The following FUCA2 variants were observed in gnomAD, a reference collection of about 807,000 sequenced individuals.
The protein encoded by FUCA2 is plasma alpha-L-fucosidase.
Under a neutral mutation model 52.6 loss-of-function variants are expected in FUCA2, and 41 were observed. The ratio of observed to expected loss-of-function variants is 0.78; its 90% CI spans 0.61 to 1.01. The LOEUF is 1.01. Among genes scored for constraint, FUCA2 ranks in the 50% least tolerant of loss-of-function variants. The pLI is 0.00. For missense variants in FUCA2, 507 were observed against 569.5 expected (o/e 0.89, Z 1.12); for synonymous variants, 211 against 217.3 (o/e 0.97, Z 0.26).
rs1562662529 is a variant in FUCA2 at position 143,495,778 on chromosome 6, G to A, written c.1333C>T (p.Leu445=). 6.2e-7 allele frequency: 1 copy of A among 1,613,964 alleles called. No individual in the cohort carries two copies. Among genetic ancestry groups the A allele is most frequent in the Non-Finnish European group, 8.5e-7 (1 of 1,179,842 alleles). ...ATCTGATGAATGGTTAGCTGTGGCA[G>A]TTCTACCATAATGCCATTTTGCTCC... ...SLEQNGIMVE[L]PQLTIHQMPC... The change falls in exon 7 of 7, where the codon CTG becomes TTG. Residue 445 remains leucine (L), a synonymous_variant. Coordinates refer to ENST00000002165, the MANE Select transcript of FUCA2 (RefSeq NM_032020.5). The surrounding 1 kb of genome is among the most constrained non-coding windows in gnomAD (Gnocchi z 5.2).
At chr6:143,506,222 A>C (rs1584029390) in intron 2 of FUCA2, 1 of 125,698 alleles carries the variant, frequency 8.0e-6, no homozygotes, top group African/African-American at 3.2e-5. Context: ...TTGAGACAGG[A>C]TCTCCCTCCG....
In FUCA2 at chr6:143,498,063, TTTAGA is replaced by T. The variant is rs1188067280; in HGVS notation, c.1155-571_1155-567del. On this transcript the variant is annotated intron_variant, in intron 5 of 6. Coordinates refer to ENST00000002165, the MANE Select transcript of FUCA2 (RefSeq NM_032020.5). ...TGAGAGATTATAACAAAAGGATCTCTTTAGATTAGAACATCAGAAAGAAGCCTCTC... is the reference window on the plus strand; with the variant it reads ...TGAGAGATTATAACAAAAGGATCTCTTTAGAACATCAGAAAGAAGCCTCTC... 5.3e-5 allele frequency among the ~76,000 whole-genome samples: 8 copies of T among 152,278 alleles called. No individual in the cohort carries two copies. In the South Asian group the frequency reaches 1.7e-3, roughly 32 times the overall value.
Position 143,511,578 on chromosome 6 carries a change from C to T in FUCA2, c.57G>A (p.Leu19=). 6.4e-7 allele frequency: 1 copy of T among 1,556,762 alleles called. No individual in the cohort carries two copies. Among genetic ancestry groups the T allele is most frequent in the Non-Finnish European group, 8.7e-7 (1 of 1,150,924 alleles). ...LAFPLLLLLL[L]LLPPPPCPAH... ...CAGGGCACGGCGGCGGCGGCAGCAG[C>T]AGCAACAGCAACAGCAGCAACGGGA... Residue 19 remains leucine (L), a synonymous_variant, in exon 1 of 7, where the codon CTG becomes CTA. Transcript: ENST00000002165. The surrounding 1 kb of genome is among the most constrained non-coding windows in gnomAD (Gnocchi z 6.3).
chr6:143,500,313 G>A lies in FUCA2; in HGVS notation c.1154+1619C>T, dbSNP rs1780513427. ...ATTATAGATCCCTTTGGAAGCCGAAGTGCCATGCAGAGTGAGCCAAAATAT... is the reference window on the plus strand; with the variant it reads ...ATTATAGATCCCTTTGGAAGCCGAAATGCCATGCAGAGTGAGCCAAAATAT... On this transcript the variant is annotated intron_variant, in intron 5 of 6. Transcript: ENST00000002165. The surrounding 1 kb of genome is among the most constrained non-coding windows in gnomAD (Gnocchi z 6.9). Among the ~76,000 whole-genome samples the A allele has an allele frequency of 6.6e-6, 1 of 152,182 alleles. No individual in the cohort carries two copies. Among genetic ancestry groups the A allele is most frequent in the Non-Finnish European group, 1.5e-5 (1 of 68,044 alleles).
In FUCA2 at chr6:143,497,724, T is replaced by C. The variant is rs890619916; in HGVS notation, c.1155-227A>G. On this transcript the variant is annotated intron_variant, in intron 5 of 6. Coordinates refer to ENST00000002165, the MANE Select transcript of FUCA2 (RefSeq NM_032020.5). The surrounding 1 kb of genome is among the most constrained non-coding windows in gnomAD (Gnocchi z 5.3). The stretch of plus-strand genomic sequence containing the variant: ...AAAGATTTTCCTGAGCTAGCATTCC[T>C]CTTCATCAGACTGCTCTCATGGAGC... 6.6e-6 allele frequency among the ~76,000 whole-genome samples: 1 copy of C among 152,194 alleles called. No individual in the cohort carries two copies. Among genetic ancestry groups the C allele is most frequent in the African/African-American group, 2.4e-5 (1 of 41,446 alleles).
At chr6:143,506,090 C>A (rs1780602486) in intron 2 of FUCA2, 1 of 151,900 alleles carries the variant, frequency 6.6e-6, no homozygotes, top group South Asian at 2.1e-4. Context: ...CAGAATGTGG[C>A]CAAAGGGAAA....
rs573439726 is a variant in FUCA2, at chr6:143,506,382, C to G, written c.412+855G>C. On this transcript the variant is annotated intron_variant, in intron 2 of 6. Transcript: ENST00000002165. ...GTTTGTTTGTTTGTTTTTGTAGAGA[C>G]AGGGTCTCACTATGTTGCCCAGGCT... 4 of 152,064 alleles carry G rather than the reference C, an allele frequency of 2.6e-5. No individual in the cohort carries two copies. The South Asian group carries it at 8.3e-4, about 32-fold the overall frequency. 9.4% of individuals were successfully genotyped at this position (152,064 alleles called of 1,614,324 possible).
intron 2 of FUCA2, chr6:143,505,787 C>T (rs1258466559): frequency 6.6e-6 from 1 of 152,120 alleles, no homozygotes; most frequent in African/African-American, 2.4e-5. Flanking sequence ...TGAATATCAC[C>T]ACCATAAGCT....
In FUCA2 at chr6:143,502,455, G is replaced by C. The variant is rs1780542308; in HGVS notation, c.863C>G (p.Pro288Arg). Residue 288 changes from proline to arginine, a missense_variant, in exon 4 of 7, where the codon CCA becomes CGA. Transcript: ENST00000002165. The surrounding 1 kb of genome is among the most constrained non-coding windows in gnomAD (Gnocchi z 4.1). ...TGTCATGCAGTTTTCCCATTTATGT[G>C]GCAAAAGATGTCCTGGGTTATAACG... The part of the protein sequence containing the change: ...SDRYNPGHLL[P>R]HKWENCMTID... 1.9e-6 allele frequency: 3 copies of C among 1,614,052 alleles called. No homozygotes were observed. The East Asian group carries it at 6.7e-5, about 36-fold the overall frequency.
rs1780474698 is a variant in FUCA2 at position 143,497,513 on chromosome 6, A to G, written c.1155-16T>C. ...GGATGTGTACCTGGTTAAAAGAAAA[A>G]AATAAAGAGCATAGTAGCAAGTTAC... On this transcript the variant is annotated splice_polypyrimidine_tract_variant and intron_variant, in intron 5 of 6. Transcript: ENST00000002165. The surrounding 1 kb of genome is among the most constrained non-coding windows in gnomAD (Gnocchi z 5.3). The G allele has an allele frequency of 7.1e-7, 1 of 1,418,114 alleles. No homozygotes were observed. The highest frequency in any genetic ancestry group is 1.7e-5 in the Admixed American group (1 of 58,892). The allele number at this position is 1,418,114 out of a possible 1,614,324, so 87.8% of individuals were successfully genotyped here.
chr6:143,511,399 G>A lies in FUCA2; in HGVS notation c.224+12C>T. On this transcript the variant is annotated intron_variant, in intron 1 of 6. Coordinates refer to ENST00000002165, the MANE Select transcript of FUCA2 (RefSeq NM_032020.5). The surrounding 1 kb of genome is among the most constrained non-coding windows in gnomAD (Gnocchi z 6.3). The stretch of plus-strand genomic sequence containing the variant: ...AAAGCGCGGCAGACGAGACAAAAGG[G>A]AGCGCACTCACCAGAACCACTCGCT... 1 of 1,595,034 alleles carries A rather than the reference G, an allele frequency of 6.3e-7. No homozygotes were observed.
At position 143,509,573 on chromosome 6, in the gene FUCA2, T is replaced by C. The variant is rs1013136592; in HGVS notation, c.224+1838A>G. The stretch of plus-strand genomic sequence containing the variant: ...CCAATATATCTTTACCTAATCTTCA[T>C]GGTTGAACAAAATGATAATATAAGA... On this transcript the variant is annotated intron_variant, in intron 1 of 6. Transcript: ENST00000002165. This position sits in a 1 kb window ranked among gnomAD's most constrained non-coding sequence, Gnocchi z 5.4. Among the ~76,000 whole-genome samples, 5 of 152,232 alleles carry C rather than the reference T, an allele frequency of 3.3e-5. 1 individual carries two copies. Among genetic ancestry groups the C allele is most frequent in the Admixed American group, 2.6e-4 (4 of 15,286 alleles).
intron 5 of FUCA2, among the ~76,000 whole-genome samples, chr6:143,498,522 C>A (rs1040691044): frequency 6.6e-6 from 1 of 152,080 alleles, no homozygotes; most frequent in Non-Finnish European, 1.5e-5. Flanking sequence ...CTGGGGAAAA[C>A]CTTCCAGACA....
chr6:143,499,200 A>G lies in FUCA2; in HGVS notation c.1155-1703T>C, dbSNP rs1219426799. 6.6e-6 allele frequency among the ~76,000 whole-genome samples: 1 copy of G among 152,218 alleles called. No homozygotes were observed. The highest frequency in any genetic ancestry group is 1.5e-5 in the Non-Finnish European group (1 of 68,040). ...GAGTTCGGAAAGAGGTCTGCACTGG[A>G]AATAGAAATGTGGAGATCATCAATA... On this transcript the variant is annotated intron_variant, in intron 5 of 6. Coordinates refer to ENST00000002165, the MANE Select transcript of FUCA2 (RefSeq NM_032020.5). The surrounding 1 kb of genome is among the most constrained non-coding windows in gnomAD (Gnocchi z 6.0).
In FUCA2 at chr6:143,510,316, T is replaced by A. The variant is rs1330960593; in HGVS notation, c.224+1095A>T. Among the ~76,000 whole-genome samples, 1 of 152,224 alleles carries A rather than the reference T, an allele frequency of 6.6e-6. No individual in the cohort carries two copies. Among genetic ancestry groups the A allele is most frequent in the Non-Finnish European group, 1.5e-5 (1 of 68,034 alleles). ...TGTATACTATTTATGTAGTATATAG[T>A]TGATTCAAATAAATACTGTTTAATG... On this transcript the variant is annotated intron_variant, in intron 1 of 6. Coordinates refer to ENST00000002165, the MANE Select transcript of FUCA2 (RefSeq NM_032020.5). This position sits in a 1 kb window ranked among gnomAD's most constrained non-coding sequence, Gnocchi z 4.4.
Position 143,504,493 on chromosome 6 carries a change from C to T in FUCA2, c.413-241G>A. 1 of 457,994 alleles carries T rather than the reference C, an allele frequency of 2.2e-6. No individual in the cohort carries two copies. The highest frequency in any genetic ancestry group is 3.1e-5 in the South Asian group (1 of 32,670). The allele number at this position is 457,994 out of a possible 1,614,324, so 28.4% of individuals were successfully genotyped here. On this transcript the variant is annotated intron_variant, in intron 2 of 6. Coordinates refer to ENST00000002165, the MANE Select transcript of FUCA2 (RefSeq NM_032020.5). The surrounding 1 kb of genome is among the most constrained non-coding windows in gnomAD (Gnocchi z 4.4). ...CTTTCAGGGTATATCACTGTACGGT[C>T]TGATCTATCTCCAGTATTTTCCCTC...
Position 143,500,740 on chromosome 6 carries a change from A to C in FUCA2, c.1154+1192T>G, listed in dbSNP as rs1376630425. 2.0e-5 allele frequency among the ~76,000 whole-genome samples: 3 copies of C among 152,196 alleles called. No individual in the cohort carries two copies. Among genetic ancestry groups the C allele is most frequent in the Non-Finnish European group, 4.4e-5 (3 of 68,032 alleles). On this transcript the variant is annotated intron_variant, in intron 5 of 6. Coordinates refer to ENST00000002165, the MANE Select transcript of FUCA2 (RefSeq NM_032020.5). The surrounding 1 kb of genome is among the most constrained non-coding windows in gnomAD (Gnocchi z 6.9). ...GTGCAGGTAATTAGAACTGTGAATA[A>C]AAATTTAAATCTCTAAGAATTATGT...
At position 143,504,324 on chromosome 6, in the gene FUCA2, C is replaced by T; in HGVS notation, c.413-72G>A. The T allele has an allele frequency of 7.7e-7, 1 of 1,302,590 alleles. No individual in the cohort carries two copies. The highest frequency in any genetic ancestry group is 1.1e-6 in the Non-Finnish European group (1 of 934,336). 80.7% of individuals were successfully genotyped at this position (1,302,590 alleles called of 1,614,324 possible). ...TAGTAAATTTCAACCCACACAAATG[C>T]CCAAACAAATCACATAGTACATGCG... On this transcript the variant is annotated intron_variant, in intron 2 of 6. Transcript: ENST00000002165. This position sits in a 1 kb window ranked among gnomAD's most constrained non-coding sequence, Gnocchi z 4.4.
At position 143,510,749 on chromosome 6, in the gene FUCA2, C is replaced by G. The variant is rs959680234; in HGVS notation, c.224+662G>C. Among the ~76,000 whole-genome samples the G allele has an allele frequency of 6.6e-6, 1 of 151,976 alleles. No individual in the cohort carries two copies. Among genetic ancestry groups the G allele is most frequent in the Non-Finnish European group, 1.5e-5 (1 of 67,996 alleles). ...AGCATTTAGTCAGAAAAGACATGTG[C>G]AACAGTTTAAGAAATTACATGCACA... is the stretch of plus-strand genomic sequence containing the variant. On this transcript the variant is annotated intron_variant, in intron 1 of 6. Coordinates refer to ENST00000002165, the MANE Select transcript of FUCA2 (RefSeq NM_032020.5). The surrounding 1 kb of genome is among the most constrained non-coding windows in gnomAD (Gnocchi z 4.4).
Sources: gnomAD v4.1 joint callset for allele counts (sites outside exome capture counted in the v4.1 genomes callset) on GRCh38, gnomAD v4.1.1 for gene constraint, Gnocchi (gnomAD v3.1) non-coding constraint, MANE v1.5 for transcripts, NCBI Gene and HGNC (gene_info 2026-07-23, HGNC 2026-07-21) for gene names.